HIVEP1: variants seen among roughly 807,000 people sequenced by gnomAD.
The protein encoded by HIVEP1 is zinc finger protein 40.
A neutral mutation model predicts 180.0 loss-of-function variants in HIVEP1; 36 were observed. The observed-to-expected ratio is 0.20, with a 90% CI of 0.15 to 0.26. HIVEP1 has a LOEUF of 0.26. Among genes scored for constraint, HIVEP1 ranks in the 10% least tolerant of loss-of-function variants. The pLI, the probability that HIVEP1 is intolerant of heterozygous loss-of-function variation, is 1.00. For missense variants in HIVEP1, 3,143 were observed against 3,268.7 expected (o/e 0.96, Z 0.94); for synonymous variants, 1,239 against 1,239.0 (o/e 1.00, Z 0.00).
intron 2 of HIVEP1, among the ~76,000 whole-genome samples, chr6:12,068,557 A>G (rs1771754109): frequency 6.6e-6 from 1 of 152,214 alleles, no homozygotes; most frequent in South Asian, 2.1e-4. Context: ...GAAGTATGGA[A>G]TAATGTATTG....
chr6:12,082,212 A>C (rs548674362), intron 2 of HIVEP1, among the ~76,000 whole-genome samples: 2 of 152,252 alleles, frequency 1.3e-5, no homozygotes, highest in Non-Finnish European at 2.9e-5. Flanking sequence ...CTGGGGTGTC[A>C]TTCCTGGAGT....
intron 2 of HIVEP1, among the ~76,000 whole-genome samples, chr6:12,027,932 G>A (rs1002351098): frequency 1.3e-5 from 2 of 152,152 alleles, no homozygotes; most frequent in Admixed American, 6.5e-5. Flanking sequence ...GTAAGTAAAT[G>A]ATATTTTCGT....
Position 12,125,019 on chromosome 6 carries a change from G to A in HIVEP1, c.5224G>A (p.Ala1742Thr). 1.9e-6 allele frequency: 3 copies of A among 1,614,156 alleles called. No individual in the cohort carries two copies. The highest frequency in any genetic ancestry group is 2.5e-6 in the Non-Finnish European group (3 of 1,180,036). ...ACTTTCCCCTCAACAAGAATCTTCAGCTTCGAGTAAAAGGATGCTTTCCCC... is the reference window on the plus strand; with the variant it reads ...ACTTTCCCCTCAACAAGAATCTTCAACTTCGAGTAAAAGGATGCTTTCCCC... ...GRLSPQQESS[A>T]SSKRMLSPAN... Residue 1742 changes from alanine (A) to threonine (T), a missense_variant, in exon 4 of 9, where the codon GCT becomes ACT. By Grantham distance (58) the Ala-to-Thr change is moderately conservative. Around this residue, in one of 12 missense-constraint regions of HIVEP1, gnomAD observed 1,357 missense variants for 1,260.5 expected, o/e 1.08. Transcript: ENST00000379388.
chr6:12,079,976 C>CTATA lies in HIVEP1; in HGVS notation c.41-9206_41-9203dup, dbSNP rs1554139849. The stretch of plus-strand genomic sequence containing the variant: ...TCTATCTATCTATCTATCTATCTAT[C>CTATA]TATATCTGGTCTTTGAATTCTCCTT... On this transcript the variant is annotated intron_variant, in intron 2 of 8. Coordinates refer to ENST00000379388, the MANE Select transcript of HIVEP1 (RefSeq NM_002114.4). Among the ~76,000 whole-genome samples the CTATA allele has an allele frequency of 9.3e-5, 14 of 149,740 alleles. No homozygotes were observed. In the South Asian group the frequency reaches 1.3e-3, roughly 14 times the overall value.
At chr6:12,134,497 A>C (rs1758599622) in intron 6 of HIVEP1, among the ~76,000 whole-genome samples, 1 of 152,246 alleles carries the variant, frequency 6.6e-6, no homozygotes, top group Admixed American at 6.5e-5. Context: ...GAATAGATAT[A>C]GCTATTTTCC....
At chr6:12,072,368 G>T (rs867515261) in intron 2 of HIVEP1, among the ~76,000 whole-genome samples, 1 of 152,012 alleles carries the variant, frequency 6.6e-6, no homozygotes. Context: ...CTGTTGCCTC[G>T]CTGCTTCTCC....
chr6:12,016,823 C>A (rs1251885959), intron 2 of HIVEP1, among the ~76,000 whole-genome samples: 1 of 152,186 alleles, frequency 6.6e-6, no homozygotes, highest in Non-Finnish European at 1.5e-5. Flanking sequence ...AGAATCTGAA[C>A]TCCCTAGAGA....
At chr6:12,020,405 TC>T (rs1291606284) in intron 2 of HIVEP1, 2 of 470,998 alleles carry the variant, frequency 4.2e-6, no homozygotes, top group East Asian at 1.4e-4. Flanking sequence ...GGGTGGCTCT[TC>T]CGCATGGTCT....
upstream of HIVEP1, among the ~76,000 whole-genome samples, chr6:12,009,120 TGGCGGCGGC>T (rs950139776): frequency 0.043 from 6,271 of 146,040 alleles, 180 homozygotes; most frequent in Middle Eastern, 0.15. Context: ...CGCGTGGCGG[TGGCGGCGGC>T]GGCGGCGGCG....
intron 3 of HIVEP1, among the ~76,000 whole-genome samples, chr6:12,094,931 C>T (rs781446589): frequency 1.1e-4 from 16 of 151,898 alleles, no homozygotes; most frequent in African/African-American, 2.7e-4. Flanking sequence ...CTTTTAACTC[C>T]CAAGTGTACT....
At chr6:12,151,290 A>G (rs771825381) in intron 7 of HIVEP1, among the ~76,000 whole-genome samples, 7 of 152,230 alleles carry the variant, frequency 4.6e-5, no homozygotes, top group East Asian at 1.9e-4. Flanking sequence ...CTGGGAGGAC[A>G]TAATTAAATG....
At chr6:12,104,529 T>A (rs1157607206) in intron 3 of HIVEP1, among the ~76,000 whole-genome samples, 1 of 145,288 alleles carries the variant, frequency 6.9e-6, no homozygotes, top group African/African-American at 2.5e-5. Flanking sequence ...AGCAATCCTC[T>A]TGCCTCAGCC....
chr6:12,092,505 A>G (rs562865190), intron 3 of HIVEP1, among the ~76,000 whole-genome samples: 7 of 152,134 alleles, frequency 4.6e-5, no homozygotes, highest in Non-Finnish European at 1.0e-4. Flanking sequence ...GCAGGTATGA[A>G]TATTTTTATA....
chr6:12,067,690 G>C (rs562616553), intron 2 of HIVEP1, among the ~76,000 whole-genome samples: 2 of 152,098 alleles, frequency 1.3e-5, no homozygotes, highest in Non-Finnish European at 2.9e-5. Context: ...ACTCCTGCTT[G>C]TGTCCCCAAT....
intron 3 of HIVEP1, among the ~76,000 whole-genome samples, chr6:12,090,735 CTTT>C (rs35266647): frequency 0.01 from 852 of 82,374 alleles, 11 homozygotes; most frequent in African/African-American, 0.038. Context: ...TATAGCCAGC[CTTT>C]TTTTTTTTTT....
At chr6:12,140,514 A>G (rs1480797054) in intron 7 of HIVEP1, among the ~76,000 whole-genome samples, 4 of 152,264 alleles carry the variant, frequency 2.6e-5, no homozygotes, top group African/African-American at 7.2e-5. Context: ...TGGATGGAGA[A>G]TGACTTTGAT....
chr6:12,017,856 C>T (rs560565073), intron 2 of HIVEP1, among the ~76,000 whole-genome samples: 119 of 152,372 alleles, frequency 7.8e-4, no homozygotes, highest in Non-Finnish European at 1.2e-3. Flanking sequence ...CTCAGGAGCC[C>T]AGCTGGCTTC....
chr6:12,108,722 G>C (rs371280723), intron 3 of HIVEP1, among the ~76,000 whole-genome samples: 1 of 152,198 alleles, frequency 6.6e-6, no homozygotes, highest in African/African-American at 2.4e-5. Context: ...CGGAGCTCCA[G>C]CTGGCCTGCA....
chr6:12,055,275 C>T (rs1234182024), intron 2 of HIVEP1, among the ~76,000 whole-genome samples: 6 of 152,264 alleles, frequency 3.9e-5, no homozygotes, highest in East Asian at 3.9e-4. Flanking sequence ...GAGATCGAGA[C>T]CATCCTGGCC....
Sources: allele counts gnomAD v4.1 joint callset (sites outside exome capture counted in the v4.1 genomes callset), GRCh38; gene constraint gnomAD v4.1.1; regional missense constraint gnomAD v4.1.1; transcripts MANE v1.5; gene names NCBI Gene and HGNC (gene_info 2026-07-23, HGNC 2026-07-21).